ADGRL3: variants seen among roughly 807,000 people sequenced by gnomAD.
The protein encoded by ADGRL3 is calcium-independent alpha-latrotoxin receptor 3.
A neutral mutation model predicts 153.5 loss-of-function variants in ADGRL3; 62 were observed. That is an observed-to-expected ratio of 0.40 (90% CI 0.33 to 0.50). The LOEUF (loss-of-function observed/expected upper bound fraction) is 0.50, where lower values mean the gene tolerates loss of function less well. Ranked by LOEUF, ADGRL3 falls within the 20% of genes least tolerant of loss-of-function variation. The pLI is 0.47. For missense variants in ADGRL3, 1,641 were observed against 1,859.4 expected, an observed-to-expected ratio of 0.88 and a Z score of 2.16; for synonymous variants, 710 against 672.5, an observed-to-expected ratio of 1.06 and a Z score of -0.86.
At chr4:61,764,678 G>T (rs2096954658) in intron 8 of ADGRL3, among the ~76,000 whole-genome samples, 1 of 152,100 alleles carries the variant, frequency 6.6e-6, no homozygotes, top group Admixed American at 6.5e-5. Flanking sequence ...TGATGGCTTG[G>T]CTTGGGCCCA....
At position 61,587,457 on chromosome 4, in the gene ADGRL3, A is replaced by T; in HGVS notation, c.473+17A>T. 1 of 1,561,202 alleles carries T rather than the reference A, an allele frequency of 6.4e-7. No homozygotes were observed. The highest frequency in any genetic ancestry group is 8.8e-7 in the Non-Finnish European group (1 of 1,135,400). The stretch of plus-strand genomic sequence containing the variant: ...GTCTCAAAGGTATGATACTTCTAAT[A>T]TTCTTTTCTTTGTGCACAATATAAA... On this transcript the variant is annotated intron_variant, in intron 5 of 26. Coordinates refer to ENST00000683033, the MANE Select transcript of ADGRL3 (RefSeq NM_001387552.1).
intron 17 of ADGRL3, among the ~76,000 whole-genome samples, chr4:61,972,785 C>T (rs993300856): frequency 3.9e-5 from 6 of 152,066 alleles, no homozygotes; most frequent in African/African-American, 1.4e-4. Context: ...TCTTCCTACC[C>T]ATGAGCATGG....
At chr4:62,006,013 T>C (rs892003157) in intron 21 of ADGRL3, among the ~76,000 whole-genome samples, 26 of 91,888 alleles carry the variant, frequency 2.8e-4, no homozygotes, top group East Asian at 9.0e-4. Flanking sequence ...CATATATATA[T>C]ATATATATAT....
Position 61,331,488 on chromosome 4 carries a change from T to C in ADGRL3, c.-239-51636T>C, listed in dbSNP as rs561045659. On this transcript the variant is annotated intron_variant, in intron 1 of 26. Coordinates refer to ENST00000683033, the MANE Select transcript of ADGRL3 (RefSeq NM_001387552.1). ...TTACACAGTTTCCTGGTATTTCTTC[T>C]GTTTTAACTTTTCTTCCAATACATT... Among the ~76,000 whole-genome samples the C allele has an allele frequency of 1.5e-3, 235 of 152,322 alleles. 1 individual carries two copies. Among genetic ancestry groups the C allele is most frequent in the Non-Finnish European group, 2.5e-3 (173 of 68,010 alleles).
chr4:61,781,006 C>A (rs777022709), intron 8 of ADGRL3, among the ~76,000 whole-genome samples: 3 of 152,124 alleles, frequency 2.0e-5, no homozygotes, highest in African/African-American at 4.8e-5. Context: ...AAAAACATAT[C>A]TTTTTAATTT....
At position 61,649,415 on chromosome 4, in the gene ADGRL3, C is replaced by A. The variant is rs181952599; in HGVS notation, c.474-27411C>A. 8.7e-4 allele frequency among the ~76,000 whole-genome samples: 132 copies of A among 152,112 alleles called. 2 individuals are homozygous for A. Among genetic ancestry groups the A allele is most frequent in the African/African-American group, 3.1e-3 (129 of 41,540 alleles). On this transcript the variant is annotated intron_variant, in intron 5 of 26. Coordinates refer to ENST00000683033, the MANE Select transcript of ADGRL3 (RefSeq NM_001387552.1). ...TCTTTTTTAATTCTCAGAACCTGTT[C>A]GCCTATTGCTTGTATACCTTCAGTC...
chr4:61,568,662 A>G (rs138573876), intron 4 of ADGRL3, among the ~76,000 whole-genome samples: 10 of 152,308 alleles, frequency 6.6e-5, no homozygotes, highest in Non-Finnish European at 1.3e-4. Flanking sequence ...ACATTTTACT[A>G]AAGCAAAAGT....
At chr4:61,280,742 T>G (rs1409801458) in intron 1 of ADGRL3, among the ~76,000 whole-genome samples, 1 of 152,162 alleles carries the variant, frequency 6.6e-6, no homozygotes, top group African/African-American at 2.4e-5. Context: ...CATGTAAGGA[T>G]GCATATTTTA....
At chr4:61,425,634 C>T (rs2097268380) in intron 2 of ADGRL3, among the ~76,000 whole-genome samples, 1 of 152,206 alleles carries the variant, frequency 6.6e-6, no homozygotes, top group African/African-American at 2.4e-5. Flanking sequence ...GTGGTGCTCC[C>T]CATGGTTCCT....
chr4:61,882,233 C>G (rs990251284), intron 9 of ADGRL3, among the ~76,000 whole-genome samples: 1 of 152,238 alleles, frequency 6.6e-6, no homozygotes, highest in Admixed American at 6.5e-5. Flanking sequence ...AAATTCATTT[C>G]ACTACAATGA....
chr4:61,685,888 A>G, intron 6 of ADGRL3, among the ~76,000 whole-genome samples: 1 of 152,124 alleles, frequency 6.6e-6, no homozygotes, highest in East Asian at 1.9e-4. Context: ...CATCAAATAA[A>G]CCAAATATCA....
At position 62,076,309 on chromosome 4, in the gene ADGRL3, T is replaced by C. The variant is rs1172079929; in HGVS notation, c.*5401T>C. 6.6e-6 allele frequency: 1 copy of C among 152,078 alleles called. No individual in the cohort carries two copies. The highest frequency in any genetic ancestry group is 2.4e-5 in the African/African-American group (1 of 41,444). The allele number at this position is 152,078 out of a possible 1,614,324, so 9.4% of individuals were successfully genotyped here. The stretch of plus-strand genomic sequence containing the variant: ...CATTGTTCTCATTTGATAATTTGTG[T>C]CCCGTTACAGTATTTCAAAGGTAAA... On this transcript the variant is annotated 3_prime_UTR_variant, in exon 27 of 27. Coordinates refer to ENST00000683033, the MANE Select transcript of ADGRL3 (RefSeq NM_001387552.1).
chr4:61,637,654 G>A (rs558783500), intron 5 of ADGRL3, among the ~76,000 whole-genome samples: 4 of 152,122 alleles, frequency 2.6e-5, no homozygotes, highest in South Asian at 2.1e-4. Flanking sequence ...CCAGCTACTC[G>A]TGAGGCTGAG....
chr4:61,745,771 A>G (rs545942926), intron 8 of ADGRL3, among the ~76,000 whole-genome samples: 1 of 152,334 alleles, frequency 6.6e-6, no homozygotes, highest in Non-Finnish European at 1.5e-5. Context: ...AATTGTAAAG[A>G]CCATCGAGGC....
chr4:61,503,177 C>A (rs1327894549), intron 3 of ADGRL3, among the ~76,000 whole-genome samples: 1 of 152,012 alleles, frequency 6.6e-6, no homozygotes, highest in Non-Finnish European at 1.5e-5. Context: ...GAAACTTCCC[C>A]AAATACTCAG....
In ADGRL3 at chr4:62,034,375, G is replaced by A. The variant is rs117470376; in HGVS notation, c.3591+2765G>A. 3.6e-4 allele frequency among the ~76,000 whole-genome samples: 55 copies of A among 151,730 alleles called. No individual in the cohort carries two copies. In the East Asian group the frequency reaches 9.7e-3, roughly 27 times the overall value. ...AACTTGCCAGGCCCTAATTTTGAAC[G>A]CTTATTTTCATGATTTACAATAACA... On this transcript the variant is annotated intron_variant, in intron 23 of 26. Transcript: ENST00000683033.
intron 8 of ADGRL3, among the ~76,000 whole-genome samples, chr4:61,763,330 G>GGT (rs1234193920): frequency 6.6e-6 from 1 of 151,620 alleles, no homozygotes; most frequent in Non-Finnish European, 1.5e-5. Flanking sequence ...TGGGACTACA[G>GGT]GTGTGTGCCA....
chr4:61,330,986 G>A (rs2095561286), intron 1 of ADGRL3, among the ~76,000 whole-genome samples: 1 of 152,080 alleles, frequency 6.6e-6, no homozygotes, highest in Non-Finnish European at 1.5e-5. Context: ...TTTATCTTCT[G>A]TTGGTTCTCT....
chr4:61,412,760 T>C (rs2097102685), intron 2 of ADGRL3, among the ~76,000 whole-genome samples: 1 of 152,222 alleles, frequency 6.6e-6, no homozygotes, highest in African/African-American at 2.4e-5. Context: ...TTTCCTGTTC[T>C]AGATTTTTTT....
Sources: allele counts gnomAD v4.1 joint callset (sites outside exome capture counted in the v4.1 genomes callset), GRCh38; gene constraint gnomAD v4.1.1; transcripts MANE v1.5; gene names NCBI Gene and HGNC (gene_info 2026-07-23, HGNC 2026-07-21).